Variants in KCNH8 observed in about 807,000 individuals in gnomAD.
The protein encoded by KCNH8 is potassium voltage-gated channel subfamily H member 8, also known as voltage-gated delayed rectifier potassium channel KCNH8.
KCNH8 carries 70 observed loss-of-function variants against 103.6 expected under a neutral mutation model. The ratio of observed to expected loss-of-function variants is 0.68; its 90% CI spans 0.56 to 0.82. The LOEUF (loss-of-function observed/expected upper bound fraction) is 0.82. Among genes scored for constraint, KCNH8 ranks in the 40% least tolerant of loss-of-function variants. KCNH8 has a pLI of 0.00. For synonymous variants in KCNH8, 498 were observed against 489.4 expected, an observed-to-expected ratio of 1.02 and a Z score of -0.23; for missense variants, 1,217 against 1,329.9, an observed-to-expected ratio of 0.92 and a Z score of 1.32.
At chr3:19,184,563 A>G (rs1332580248) in intron 1 of KCNH8, among the ~76,000 whole-genome samples, 2 of 152,040 alleles carry the variant, frequency 1.3e-5, no homozygotes, top group South Asian at 2.1e-4. Flanking sequence ...TAACTTTACG[A>G]ATGATAATGA....
chr3:19,316,553 A>T (rs981797444), intron 3 of KCNH8, among the ~76,000 whole-genome samples: 2 of 151,996 alleles, frequency 1.3e-5, no homozygotes, highest in African/African-American at 2.4e-5. Flanking sequence ...CTTTCTAAGG[A>T]AACCTAACAT....
At chr3:19,200,141 T>TA (rs2063642246) in intron 1 of KCNH8, among the ~76,000 whole-genome samples, 1 of 151,798 alleles carries the variant, frequency 6.6e-6, no homozygotes, top group East Asian at 1.9e-4. Context: ...TTTTTCTACA[T>TA]AAAAAATAAA....
At chr3:19,273,262 C>G (rs1289980108) in intron 2 of KCNH8, among the ~76,000 whole-genome samples, 1 of 152,162 alleles carries the variant, frequency 6.6e-6, no homozygotes, top group African/African-American at 2.4e-5. Context: ...TCTCACTAAA[C>G]AATTGCAAAT....
intron 11 of KCNH8, among the ~76,000 whole-genome samples, chr3:19,497,540 CTG>C (rs2068470433): frequency 6.6e-6 from 1 of 152,026 alleles, no homozygotes; most frequent in Admixed American, 6.6e-5. Context: ...TTCCATGTAA[CTG>C]TATGGTTTTG....
chr3:19,391,427 A>G (rs2066436158), intron 6 of KCNH8, among the ~76,000 whole-genome samples: 1 of 152,060 alleles, frequency 6.6e-6, no homozygotes, highest in Non-Finnish European at 1.5e-5. Context: ...AGAGTAACCA[A>G]TTACGGCGTG....
rs568269964 is a variant in KCNH8, at chr3:19,507,758, G to A, written c.2041-2605G>A. On this transcript the variant is annotated intron_variant, in intron 11 of 15. Transcript: ENST00000328405. Reference sequence around the variant, plus strand: ...CCACAGGGCAGCTGCATTGTGCTGGGGATCTGCACCAGTCCCTTGTCACCA... The same window carrying A: ...CCACAGGGCAGCTGCATTGTGCTGGAGATCTGCACCAGTCCCTTGTCACCA... Among the ~76,000 whole-genome samples the A allele has an allele frequency of 2.6e-5, 4 of 152,232 alleles. No homozygotes were observed. In the East Asian group the frequency reaches 7.7e-4, roughly 29 times the overall value.
intron 1 of KCNH8, among the ~76,000 whole-genome samples, chr3:19,208,459 A>T (rs900237194): frequency 3.9e-5 from 6 of 151,964 alleles, no homozygotes; most frequent in Admixed American, 6.6e-5. Flanking sequence ...CTCCATTTGG[A>T]TATATGTTTT....
intron 2 of KCNH8, among the ~76,000 whole-genome samples, chr3:19,273,264 AT>A (rs1352231305): frequency 6.6e-6 from 1 of 152,216 alleles, no homozygotes; most frequent in Non-Finnish European, 1.5e-5. Context: ...TCACTAAACA[AT>A]TGCAAATTTG....
At chr3:19,289,076 TG>T (rs2064879103) in intron 3 of KCNH8, among the ~76,000 whole-genome samples, 1 of 152,182 alleles carries the variant, frequency 6.6e-6, no homozygotes, top group Non-Finnish European at 1.5e-5. Context: ...TTGATGGGGT[TG>T]TTTTTTTCTT....
chr3:19,513,218 A>T lies in KCNH8; in HGVS notation c.2328A>T (p.Lys776Asn). 1 of 1,613,892 alleles carries T rather than the reference A, an allele frequency of 6.2e-7. No homozygotes were observed. The highest frequency in any genetic ancestry group is 1.1e-5 in the South Asian group (1 of 91,074). The change falls in exon 13 of 16, where the codon AAA (lysine) becomes AAT (asparagine). Residue 776 changes from lysine (K) to asparagine (N), a missense_variant. Physicochemically the swap from Lys to Asn is moderately conservative, Grantham distance 94. Around this residue, in one of 3 missense-constraint regions of KCNH8, gnomAD observed 558 missense variants for 495.8 expected, o/e 1.13. Coordinates refer to ENST00000328405, the MANE Select transcript of KCNH8 (RefSeq NM_144633.3). ...GAGTCTCCAGGTCAAATTCCCCCAA[A>T]ACCAAGCAGGAAATTGACCCCCCCA... is the stretch of plus-strand genomic sequence containing the variant. Reference protein sequence around the residue: ...PIRVSRSNSPKTKQEIDPPNH... With the variant: ...PIRVSRSNSPNTKQEIDPPNH...
At chr3:19,458,503 A>T (rs1037217228) in intron 11 of KCNH8, among the ~76,000 whole-genome samples, 2 of 151,924 alleles carry the variant, frequency 1.3e-5, no homozygotes, top group African/African-American at 4.8e-5. Flanking sequence ...AATTCGTGGC[A>T]TACAAAATGA....
intron 14 of KCNH8, 56 bp from the exon 15 acceptor site, chr3:19,517,942 C>A: frequency 7.1e-7 from 1 of 1,407,796 alleles, no homozygotes; most frequent in Non-Finnish European, 1.0e-6. Flanking sequence ...TGCCTCGATC[C>A]TCAAATATAA....
At chr3:19,385,413 T>C (rs371640287) in intron 5 of KCNH8, among the ~76,000 whole-genome samples, 13 of 152,234 alleles carry the variant, frequency 8.5e-5, no homozygotes, top group African/African-American at 2.6e-4. Context: ...CTATGAATAA[T>C]TGACCCTACA....
intron 5 of KCNH8, among the ~76,000 whole-genome samples, chr3:19,375,009 C>G (rs1490173858): frequency 6.6e-6 from 1 of 151,804 alleles, no homozygotes; most frequent in African/African-American, 2.4e-5. Context: ...TTGAGGGTAA[C>G]CTGACCTTTC....
chr3:19,265,689 A>C (rs1253855646), intron 2 of KCNH8, among the ~76,000 whole-genome samples: 1 of 151,988 alleles, frequency 6.6e-6, no homozygotes, highest in East Asian at 1.9e-4. Context: ...ATCCCACAAA[A>C]GTTTTGTGAG....
At position 19,342,659 on chromosome 3, in the gene KCNH8, A is replaced by T. The variant is rs1160104791; in HGVS notation, c.515A>T (p.Tyr172Phe). The T allele has an allele frequency of 1.2e-6, 2 of 1,611,206 alleles. No homozygotes were observed. Among genetic ancestry groups the T allele is most frequent in the Non-Finnish European group, 1.7e-6 (2 of 1,177,970 alleles). ...SARRRSRAVLYHISGHLQRRE... is the reference protein window; with the variant it reads ...SARRRSRAVLFHISGHLQRRE... The stretch of plus-strand genomic sequence containing the variant: ...CGGAGACGGAGTCGAGCAGTCCTTT[A>T]TCACATCTCTGGGCACCTGCAAAGA... Residue 172 changes from tyrosine (Y) to phenylalanine (F), a missense_variant, in exon 4 of 16, where the codon TAT (tyrosine) becomes TTT (phenylalanine). This residue lies in a region of KCNH8 where 244 missense variants were observed against 256.8 expected (regional missense o/e 0.95). Coordinates refer to ENST00000328405, the MANE Select transcript of KCNH8 (RefSeq NM_144633.3).
At position 19,214,892 on chromosome 3, in the gene KCNH8, T is replaced by C. The variant is rs78588582; in HGVS notation, c.77-38762T>C. Among the ~76,000 whole-genome samples the C allele has an allele frequency of 2.0e-5, 3 of 152,358 alleles. No homozygotes were observed. The East Asian group carries it at 5.8e-4, about 29-fold the overall frequency. ...TCTCCCTAATCCAGTATGTCTTCCA[T>C]GCTGAGCCACCTTGGCCTGGAGAAA... On this transcript the variant is annotated intron_variant, in intron 1 of 15. Coordinates refer to ENST00000328405, the MANE Select transcript of KCNH8 (RefSeq NM_144633.3).
chr3:19,483,196 G>T (rs1306856601), intron 11 of KCNH8, among the ~76,000 whole-genome samples: 1 of 152,116 alleles, frequency 6.6e-6, no homozygotes, highest in African/African-American at 2.4e-5. Context: ...TTTCGCATAA[G>T]CTCTATGCCC....
At chr3:19,505,041 A>G (rs2068664957) in intron 11 of KCNH8, among the ~76,000 whole-genome samples, 1 of 150,596 alleles carries the variant, frequency 6.6e-6, no homozygotes, top group East Asian at 2.0e-4. Flanking sequence ...ATATATATAC[A>G]CTATATATAT....
Sources: gnomAD v4.1 joint callset for allele counts (sites outside exome capture counted in the v4.1 genomes callset) on GRCh38, gnomAD v4.1.1 for gene constraint, gnomAD v4.1.1 regional missense constraint, MANE v1.5 for transcripts, NCBI Gene and HGNC (gene_info 2026-07-23, HGNC 2026-07-21) for gene names.